The following TENM3 variants were observed in gnomAD, a reference collection of about 807,000 sequenced individuals.
The protein encoded by TENM3 is teneurin transmembrane protein 3.
Under a neutral mutation model 255.1 loss-of-function variants are expected in TENM3, and 63 were observed. The ratio of observed to expected loss-of-function variants is 0.25; its 90% CI spans 0.20 to 0.30. The LOEUF is 0.30. TENM3 is among the 10% of genes least tolerant of loss of function. The pLI is 1.00. For synonymous variants in TENM3, 1,306 were observed against 1,322.3 expected (o/e 0.99, Z 0.27); for missense variants, 2,929 against 3,461.1 (o/e 0.85, Z 3.86).
intron 3 of TENM3, among the ~76,000 whole-genome samples, chr4:182,534,166 C>A (rs1740048437): frequency 6.6e-6 from 1 of 152,042 alleles, no homozygotes; most frequent in African/African-American, 2.4e-5. Flanking sequence ...TAGTACAATA[C>A]CATTGCAGCT....
chr4:181,553,718 G>C, the TENM3 span, among the ~76,000 whole-genome samples: 2 of 152,102 alleles, frequency 1.3e-5, no homozygotes, highest in Non-Finnish European at 2.9e-5. Context: ...TGGGATTACA[G>C]GCGTGAGCCA....
At chr4:182,515,866 T>C (rs936844956) in intron 3 of TENM3, among the ~76,000 whole-genome samples, 1 of 152,238 alleles carries the variant, frequency 6.6e-6, no homozygotes, top group African/African-American at 2.4e-5. Context: ...CATAAACTTT[T>C]CACATTTTAC....
intron 1 of TENM3, among the ~76,000 whole-genome samples, chr4:182,309,650 T>A (rs1762327657): frequency 6.6e-6 from 1 of 152,244 alleles, no homozygotes; most frequent in South Asian, 2.1e-4. Flanking sequence ...ACATAGTCCC[T>A]CTGAATAAGC....
chr4:181,540,967 G>A, the TENM3 span, among the ~76,000 whole-genome samples: 120 of 152,244 alleles, frequency 7.9e-4, no homozygotes, highest in African/African-American at 2.7e-3. Context: ...TGGGAATATG[G>A]GAACTACATG....
At chr4:182,743,542 CAGAA>C in intron 19 of TENM3, 123 bp downstream of exon 19, 3 of 1,092,864 alleles carry the variant, frequency 2.7e-6, no homozygotes, top group South Asian at 3.2e-5. Context: ...AAATTTCCCC[CAGAA>C]AGAAGTCAAA....
chr4:182,588,327 A>G (rs929490900), intron 3 of TENM3, among the ~76,000 whole-genome samples: 10 of 152,216 alleles, frequency 6.6e-5, no homozygotes, highest in Non-Finnish European at 1.2e-4. Context: ...TCTGAAAAGC[A>G]TAGCAAATTC....
the TENM3 span, among the ~76,000 whole-genome samples, chr4:181,677,151 G>A: frequency 6.6e-6 from 1 of 151,914 alleles, no homozygotes; most frequent in East Asian, 1.9e-4. Context: ...ACCCACCTGT[G>A]TCCATTGCGT....
chr4:182,750,766 T>G (rs370029340), intron 19 of TENM3, among the ~76,000 whole-genome samples: 7 of 152,136 alleles, frequency 4.6e-5, no homozygotes, highest in African/African-American at 1.7e-4. Context: ...TTAATTAATA[T>G]AACTAAGTTC....
intron 1 of TENM3, among the ~76,000 whole-genome samples, chr4:182,290,170 G>A (rs1761024721): frequency 6.6e-6 from 1 of 152,208 alleles, no homozygotes. Context: ...TGTGTCTCCA[G>A]ATCAGAGTGG....
the TENM3 span, among the ~76,000 whole-genome samples, chr4:181,994,548 T>C: frequency 4.1e-5 from 5 of 120,990 alleles, no homozygotes; most frequent in South Asian, 3.0e-4. Flanking sequence ...TTTTTGTTTT[T>C]TGTGGGTTTT....
chr4:182,086,911 T>C, the TENM3 span, among the ~76,000 whole-genome samples: 3 of 152,206 alleles, frequency 2.0e-5, no homozygotes, highest in East Asian at 5.8e-4. Flanking sequence ...CTGAGTATTT[T>C]TTGAACAAGT....
chr4:182,743,438 T>G lies in TENM3; in HGVS notation c.3629+19T>G. ...AACTAAGGTACGTCTTTCCTAAATT[T>G]GGGCTTTTAACCAAAGCTAAACGTG... On this transcript the variant is annotated intron_variant, in intron 19 of 27. Coordinates refer to ENST00000511685, the MANE Select transcript of TENM3 (RefSeq NM_001080477.4). The G allele has an allele frequency of 2.0e-5, 32 of 1,609,104 alleles. No individual in the cohort carries two copies. The highest frequency in any genetic ancestry group is 2.7e-5 in the Non-Finnish European group (32 of 1,175,678).
chr4:181,524,935 T>C, the TENM3 span, among the ~76,000 whole-genome samples: 2 of 152,234 alleles, frequency 1.3e-5, no homozygotes, highest in African/African-American at 4.8e-5. Flanking sequence ...GCTTTAAGTA[T>C]GCACATGACT....
At chr4:182,051,544 AT>A in the TENM3 span, among the ~76,000 whole-genome samples, 11 of 151,600 alleles carry the variant, frequency 7.3e-5, no homozygotes, top group African/African-American at 2.7e-4. Flanking sequence ...CGCTCGGCTA[AT>A]TTTTTGTATT....
chr4:182,627,802 G>A (rs984356572), intron 4 of TENM3, among the ~76,000 whole-genome samples: 1 of 151,990 alleles, frequency 6.6e-6, no homozygotes, highest in African/African-American at 2.4e-5. Context: ...CTTTTACAGT[G>A]CTCTTGTCAT....
chr4:182,010,383 G>T, the TENM3 span, among the ~76,000 whole-genome samples: 1 of 151,884 alleles, frequency 6.6e-6, no homozygotes, highest in African/African-American at 2.4e-5. Flanking sequence ...ACAGATATGT[G>T]ATTCAGAGAA....
chr4:182,615,219 G>T (rs982729194), intron 4 of TENM3, among the ~76,000 whole-genome samples: 1 of 151,742 alleles, frequency 6.6e-6, no homozygotes, highest in African/African-American at 2.4e-5. Flanking sequence ...AGAATGATTA[G>T]AAGTAGCTCT....
the TENM3 span, among the ~76,000 whole-genome samples, chr4:181,714,303 G>A: frequency 6.6e-6 from 1 of 152,160 alleles, no homozygotes. Context: ...TTAGCTGGGT[G>A]TGGTGGCACA....
chr4:182,726,016 TTAGAAA>T (rs1345461113), intron 13 of TENM3, among the ~76,000 whole-genome samples: 3 of 152,174 alleles, frequency 2.0e-5, no homozygotes, highest in Admixed American at 6.5e-5. Context: ...ACTCATTATC[TTAGAAA>T]TATAACAGAC....
Sources: allele counts gnomAD v4.1 joint callset (sites outside exome capture counted in the v4.1 genomes callset), GRCh38; gene constraint gnomAD v4.1.1; transcripts MANE v1.5; gene names NCBI Gene and HGNC (gene_info 2026-07-23, HGNC 2026-07-21).